PDE10A: variants seen among roughly 807,000 people sequenced by gnomAD.
PDE10A encodes the protein phosphodiesterase 10A.
A neutral mutation model predicts 97.7 loss-of-function variants in PDE10A; 39 were observed. The observed-to-expected ratio is 0.40, with a 90% CI of 0.31 to 0.52. The LOEUF (loss-of-function observed/expected upper bound fraction) is 0.52, where lower values mean the gene tolerates loss of function less well. PDE10A is among the 20% of genes least tolerant of loss of function. PDE10A has a pLI of 0.56. For synonymous variants in PDE10A, 371 were observed against 376.8 expected (o/e 0.98, Z 0.18); for missense variants, 731 against 1,047.8 (o/e 0.70, Z 4.17).
Position 165,871,173 on chromosome 6 carries a change from G to A in PDE10A, c.-615+116356C>T, listed in dbSNP as rs1011988769. 5.3e-5 allele frequency among the ~76,000 whole-genome samples: 8 copies of A among 152,200 alleles called. No individual in the cohort carries two copies. In the South Asian group the frequency reaches 6.2e-4, roughly 12 times the overall value. On this transcript the variant is annotated intron_variant, in intron 1 of 19. Coordinates refer to the PDE10A transcript ENST00000366882. ...TATCCTGATTTGGTCATTACACAGC[G>A]TACGCATGTATTGAAAAATCACATC...
At chr6:165,608,669 T>C (rs1474015797) in intron 1 of PDE10A, among the ~76,000 whole-genome samples, 1 of 152,160 alleles carries the variant, frequency 6.6e-6, no homozygotes, top group Non-Finnish European at 1.5e-5. Flanking sequence ...TAGTTCTAGA[T>C]CCCTGAGGAA....
rs1198457280 is a variant in PDE10A, at chr6:165,544,594, T to C, written c.866-1026A>G. ...TAGGTTAAAAAAAAAAAAAAAGCAA[T>C]GAAAAACTGCACTCTGAGAAAAAAA... On this transcript the variant is annotated intron_variant, in intron 1 of 21. Transcript: ENST00000539869. Among the ~76,000 whole-genome samples, 9 of 144,904 alleles carry C rather than the reference T, an allele frequency of 6.2e-5. No individual in the cohort carries two copies. The East Asian group carries it at 1.8e-3, about 29-fold the overall frequency.
intron 3 of PDE10A, among the ~76,000 whole-genome samples, chr6:165,458,398 C>T (rs911628013): frequency 6.6e-6 from 1 of 152,042 alleles, no homozygotes; most frequent in Non-Finnish European, 1.5e-5. Context: ...ACACTTCCAC[C>T]CTGTGAGGAC....
intron 1 of PDE10A, among the ~76,000 whole-genome samples, chr6:165,595,925 G>C (rs955939272): frequency 6.6e-6 from 1 of 152,186 alleles, no homozygotes; most frequent in Non-Finnish European, 1.5e-5. Context: ...TGGTGATTAT[G>C]TTCAACATAT....
intron 1 of PDE10A, among the ~76,000 whole-genome samples, chr6:165,830,413 G>A (rs1486025922): frequency 6.6e-6 from 1 of 151,968 alleles, no homozygotes; most frequent in East Asian, 1.9e-4. Context: ...ACATTCCAAA[G>A]CCAGGCTTGC....
At chr6:165,520,620 T>C (rs1023550816) in intron 2 of PDE10A, among the ~76,000 whole-genome samples, 3 of 152,192 alleles carry the variant, frequency 2.0e-5, no homozygotes, top group Non-Finnish European at 4.4e-5. Flanking sequence ...GAGCTACTTA[T>C]AGGCCAAATA....
chr6:165,704,796 G>A (rs1791666445), intron 1 of PDE10A, among the ~76,000 whole-genome samples: 2 of 152,198 alleles, frequency 1.3e-5, no homozygotes, highest in South Asian at 4.1e-4. Context: ...CATCTTCCCT[G>A]TTTCAGACTT....
At chr6:165,660,082 G>A (rs1183371022) in intron 1 of PDE10A, 3 of 152,354 alleles carry the variant, frequency 2.0e-5, no homozygotes, top group African/African-American at 7.2e-5. Flanking sequence ...AAAAGCAGAT[G>A]TTTATTTTCT....
intron 5 of PDE10A, among the ~76,000 whole-genome samples, chr6:165,439,954 T>C (rs1246531475): frequency 6.6e-6 from 1 of 152,206 alleles, no homozygotes; most frequent in Admixed American, 6.5e-5. Context: ...CTTTCATCTT[T>C]CTTTCCATGC....
intron 1 of PDE10A, among the ~76,000 whole-genome samples, chr6:165,658,089 T>C (rs926077611): frequency 5.3e-5 from 8 of 152,218 alleles, no homozygotes; most frequent in Non-Finnish European, 1.0e-4. Context: ...GTTCTCGCAT[T>C]CTTCTACAAC....
At chr6:165,846,489 A>G (rs766053073) in intron 1 of PDE10A, among the ~76,000 whole-genome samples, 25 of 152,256 alleles carry the variant, frequency 1.6e-4, no homozygotes, top group Admixed American at 1.2e-3. Flanking sequence ...GCCTCAGGCC[A>G]GGGGCCAAGA....
intron 1 of PDE10A, among the ~76,000 whole-genome samples, chr6:165,839,981 C>CCCCATCTCCAATTCCAT (rs1780205547): frequency 6.6e-6 from 1 of 151,902 alleles, no homozygotes; most frequent in Non-Finnish European, 1.5e-5. Flanking sequence ...TCATCCCCAT[C>CCCCATCTCCAATTCCAT]CCCATCTCCA....
At chr6:165,658,207 C>G (rs1305070627) in intron 1 of PDE10A, among the ~76,000 whole-genome samples, 5 of 152,202 alleles carry the variant, frequency 3.3e-5, no homozygotes, top group Non-Finnish European at 5.9e-5. Flanking sequence ...TCAGTTTGTT[C>G]AAGTGTCGGC....
chr6:165,946,672 T>C (rs939668255), intron 1 of PDE10A: 2 of 152,160 alleles, frequency 1.3e-5, no homozygotes, highest in South Asian at 2.1e-4. Flanking sequence ...CAAAACATCA[T>C]GTTGCACATA....
chr6:165,658,639 TAGA>T (rs1457322374), intron 1 of PDE10A, among the ~76,000 whole-genome samples: 3 of 152,252 alleles, frequency 2.0e-5, no homozygotes, highest in Non-Finnish European at 4.4e-5. Context: ...TTATCTTTTC[TAGA>T]AGACCAAATG....
intron 1 of PDE10A, among the ~76,000 whole-genome samples, chr6:165,592,109 T>C (rs1786309555): frequency 6.6e-6 from 1 of 152,104 alleles, no homozygotes; most frequent in Non-Finnish European, 1.5e-5. Flanking sequence ...AAAACAGATA[T>C]ATATAGACCA....
Position 165,428,516 on chromosome 6 carries a change from AG to A in PDE10A, c.1653+141del, listed in dbSNP as rs1177070662. On this transcript the variant is annotated intron_variant, in intron 10 of 21. Transcript: ENST00000539869. The stretch of plus-strand genomic sequence containing the variant: ...CCCAAAATTAACGCAAGTGACAAAC[AG>A]ATCAAGGTGAATTCCTAAGCCACCA... 9 of 578,410 alleles carry A rather than the reference AG, an allele frequency of 1.6e-5. No homozygotes were observed. The African/African-American group carries it at 1.8e-4, about 12-fold the overall frequency. The allele number at this position is 578,410 out of a possible 1,614,324, so 35.8% of individuals were successfully genotyped here. A position where few individuals can be genotyped will look rare whatever the true frequency, so the allele number is the denominator to read the frequency against.
chr6:165,421,888 C>A (rs1788719784), intron 10 of PDE10A, among the ~76,000 whole-genome samples: 2 of 152,070 alleles, frequency 1.3e-5, no homozygotes, highest in South Asian at 4.1e-4. Context: ...ATGGCAAAAC[C>A]CTGTCTCTAC....
chr6:165,754,210 C>T (rs963856498), intron 1 of PDE10A: 1 of 152,216 alleles, frequency 6.6e-6, no homozygotes, highest in Non-Finnish European at 1.5e-5. Context: ...CTACTGCACA[C>T]TGAGCTCCTG....
Sources: allele counts gnomAD v4.1 joint callset (sites outside exome capture counted in the v4.1 genomes callset), GRCh38; gene constraint gnomAD v4.1.1; transcripts MANE v1.5; gene names NCBI Gene and HGNC (gene_info 2026-07-23, HGNC 2026-07-21).